The following KLF12 variants were observed in gnomAD, a reference collection of about 807,000 sequenced individuals.
The protein encoded by KLF12 is KLF transcription factor 12.
KLF12 carries 9 observed loss-of-function variants against 37.8 expected under a neutral mutation model. That is an observed-to-expected ratio of 0.24 (90% CI 0.14 to 0.42). The LOEUF (loss-of-function observed/expected upper bound fraction) is 0.42. KLF12 is among the 10% of genes least tolerant of loss of function. The pLI is 1.00. For synonymous variants in KLF12, 208 were observed against 202.1 expected (o/e 1.03, Z -0.25); for missense variants, 411 against 516.0 (o/e 0.80, Z 1.97).
chr13:73,697,685 TG>T (rs1375843269), intron 7 of KLF12, among the ~76,000 whole-genome samples: 3 of 152,192 alleles, frequency 2.0e-5, no homozygotes, highest in Non-Finnish European at 4.4e-5. Flanking sequence ...CTGAGCTAGT[TG>T]GATGTTGGTC....
chr13:74,245,188 G>T, the KLF12 span, among the ~76,000 whole-genome samples: 3 of 152,184 alleles, frequency 2.0e-5, no homozygotes, highest in African/African-American at 7.2e-5. Context: ...AAGAAAAGAA[G>T]AAGGTTTTCA....
At chr13:73,844,338 T>G (rs1249965656) in intron 4 of KLF12, among the ~76,000 whole-genome samples, 1 of 152,224 alleles carries the variant, frequency 6.6e-6, no homozygotes, top group African/African-American at 2.4e-5. Context: ...CAATCAGAAG[T>G]GTCAGCAATA....
At chr13:73,956,974 GAGGGAAAGGAGGGA>G (rs1420790793) in intron 2 of KLF12, among the ~76,000 whole-genome samples, 4 of 148,548 alleles carry the variant, frequency 2.7e-5, no homozygotes, top group African/African-American at 1.0e-4. Flanking sequence ...GAAAGGAAAG[GAGGGAAAGGAGGGA>G]AGGGAAAGGA....
the KLF12 span, among the ~76,000 whole-genome samples, chr13:74,284,024 A>AT: frequency 1.3e-5 from 2 of 151,596 alleles, no homozygotes; most frequent in East Asian, 1.9e-4. Context: ...TGCCCGGCTA[A>AT]TTTTTTGTAT....
At chr13:73,779,226 A>T (rs1263960173) in intron 5 of KLF12, among the ~76,000 whole-genome samples, 1 of 152,048 alleles carries the variant, frequency 6.6e-6, no homozygotes, top group Non-Finnish European at 1.5e-5. Flanking sequence ...TGTTAATGAG[A>T]TGACATATGG....
intron 5 of KLF12, among the ~76,000 whole-genome samples, chr13:73,772,187 CT>C (rs1880314811): frequency 6.6e-6 from 1 of 152,142 alleles, no homozygotes; most frequent in Non-Finnish European, 1.5e-5. Flanking sequence ...TATTGTGCAC[CT>C]ATTACTTACT....
At chr13:74,055,196 T>A (rs1873178270) in intron 1 of KLF12, among the ~76,000 whole-genome samples, 1 of 152,216 alleles carries the variant, frequency 6.6e-6, no homozygotes, top group Admixed American at 6.5e-5. Context: ...ACAAGTCAAA[T>A]TCTGCCCTTT....
Position 74,063,982 on chromosome 13 carries a change from A to C in KLF12, c.-31-68929T>G, listed in dbSNP as rs368940758. Among the ~76,000 whole-genome samples, 65 of 152,272 alleles carry C rather than the reference A, an allele frequency of 4.3e-4. 1 individual carries two copies. In the South Asian group the frequency reaches 0.012, roughly 28 times the overall value. Reference sequence around the variant, plus strand: ...GACACAAAATTTATGCCCAAAGAAGAAGCTTCCATATGATTCTATAGACAT... The same window carrying C: ...GACACAAAATTTATGCCCAAAGAAGCAGCTTCCATATGATTCTATAGACAT... On this transcript the variant is annotated intron_variant, in intron 1 of 7. Coordinates refer to ENST00000377669, the MANE Select transcript of KLF12 (RefSeq NM_007249.5).
chr13:73,766,184 G>T (rs1002970423), intron 5 of KLF12, among the ~76,000 whole-genome samples: 1 of 152,114 alleles, frequency 6.6e-6, no homozygotes, highest in Non-Finnish European at 1.5e-5. Context: ...TGGGGGAGGG[G>T]GTGTTAATTA....
chr13:73,954,318 A>G (rs1412054564), intron 2 of KLF12, among the ~76,000 whole-genome samples: 1 of 151,946 alleles, frequency 6.6e-6, no homozygotes, highest in Non-Finnish European at 1.5e-5. Context: ...CATTCTCTTC[A>G]TATATTTGTA....
At chr13:73,746,603 G>T (rs778638465) in intron 6 of KLF12, among the ~76,000 whole-genome samples, 1 of 151,882 alleles carries the variant, frequency 6.6e-6, no homozygotes, top group Non-Finnish European at 1.5e-5. Context: ...TTACTATACT[G>T]CCTGGCACCT....
rs1876177956 is a variant in KLF12 at position 73,720,732 on chromosome 13, A to G, written c.870-5207T>C. ...CAGAGAGGCTCAAAAAGTCACATCC[A>G]AGAACAGCTCTATTTAAATGGAAGG... On this transcript the variant is annotated intron_variant, in intron 6 of 7. Transcript: ENST00000377669. Among the ~76,000 whole-genome samples, 3 of 152,214 alleles carry G rather than the reference A, an allele frequency of 2.0e-5. No individual in the cohort carries two copies. The South Asian group carries it at 6.2e-4, about 31-fold the overall frequency.
At chr13:73,738,066 TATACACACAC>T (rs1877603395) in intron 6 of KLF12, among the ~76,000 whole-genome samples, 6 of 148,284 alleles carry the variant, frequency 4.0e-5, no homozygotes, top group African/African-American at 1.5e-4. Flanking sequence ...TATATATATA[TATACACACAC>T]ATATATGTAT....
At chr13:73,731,875 A>G (rs1044944515) in intron 6 of KLF12, among the ~76,000 whole-genome samples, 2 of 152,226 alleles carry the variant, frequency 1.3e-5, no homozygotes, top group Admixed American at 6.5e-5. Flanking sequence ...AATCTTACCA[A>G]TGCATTTTTA....
At chr13:74,169,652 T>C in the KLF12 span, among the ~76,000 whole-genome samples, 1 of 152,256 alleles carries the variant, frequency 6.6e-6, no homozygotes, top group Non-Finnish European at 1.5e-5. Flanking sequence ...TATTGAAGTA[T>C]ATCCCTTTTA....
chr13:74,072,572 A>G (rs954151234), intron 1 of KLF12, among the ~76,000 whole-genome samples: 4 of 151,626 alleles, frequency 2.6e-5, no homozygotes, highest in Non-Finnish European at 5.9e-5. Context: ...GTCCTCTACA[A>G]AAGATTTAAA....
At chr13:74,065,840 A>G (rs1047893640) in intron 1 of KLF12, among the ~76,000 whole-genome samples, 2 of 152,048 alleles carry the variant, frequency 1.3e-5, no homozygotes, top group African/African-American at 4.8e-5. Flanking sequence ...GACATGTGAC[A>G]TGAGGATTCT....
chr13:74,077,799 T>C (rs536414911), intron 1 of KLF12, among the ~76,000 whole-genome samples: 1 of 152,360 alleles, frequency 6.6e-6, no homozygotes, highest in South Asian at 2.1e-4. Context: ...TCCAGGAATC[T>C]CCCAAATTTA....
chr13:74,168,486 C>A, the KLF12 span, among the ~76,000 whole-genome samples: 1 of 152,224 alleles, frequency 6.6e-6, no homozygotes, highest in Non-Finnish European at 1.5e-5. Flanking sequence ...GGTGCAACAA[C>A]TTGTGAAATA....
Sources: gnomAD v4.1 joint callset for allele counts (sites outside exome capture counted in the v4.1 genomes callset) on GRCh38, gnomAD v4.1.1 for gene constraint, MANE v1.5 for transcripts, NCBI Gene and HGNC (gene_info 2026-07-23, HGNC 2026-07-21) for gene names.